Variants in ANK3 observed in about 807,000 individuals in gnomAD.
ANK3 encodes ankyrin 3.
A neutral mutation model predicts 370.9 loss-of-function variants in ANK3; 57 were observed. The observed-to-expected ratio is 0.15, with a 90% CI of 0.12 to 0.19. ANK3 has a LOEUF of 0.19. Among genes scored for constraint, ANK3 ranks in the 10% least tolerant of loss-of-function variants. ANK3 has a pLI of 1.00. For synonymous variants in ANK3, 1,929 were observed against 1,946.3 expected, an observed-to-expected ratio of 0.99 and a Z score of 0.23; for missense variants, 4,439 against 5,302.1, an observed-to-expected ratio of 0.84 and a Z score of 5.06.
At chr10:60,380,535 T>G (rs1385954735) in intron 1 of ANK3, among the ~76,000 whole-genome samples, 1 of 152,156 alleles carries the variant, frequency 6.6e-6, no homozygotes, top group Admixed American at 6.6e-5. Flanking sequence ...TCCAGAAAAC[T>G]GGAAAATAAT....
At chr10:60,646,323 C>CA (rs1179515964) in intron 1 of ANK3, among the ~76,000 whole-genome samples, 1 of 151,954 alleles carries the variant, frequency 6.6e-6, no homozygotes, top group Non-Finnish European at 1.5e-5. Context: ...GTGTTCTATG[C>CA]AAAAAAGTAA....
At chr10:60,400,876 C>T (rs1176419689) in intron 2 of ANK3, among the ~76,000 whole-genome samples, 1 of 152,084 alleles carries the variant, frequency 6.6e-6, no homozygotes, top group Non-Finnish European at 1.5e-5. Context: ...CACCCCACTT[C>T]CCAACAGGCC....
At chr10:60,345,237 T>C (rs1279472352) in intron 1 of ANK3, among the ~76,000 whole-genome samples, 1 of 152,180 alleles carries the variant, frequency 6.6e-6, no homozygotes, top group Admixed American at 6.6e-5. Context: ...GTCTGAAATA[T>C]TACCTCCCAG....
At chr10:60,467,312 A>T (rs2065033563) in intron 2 of ANK3, among the ~76,000 whole-genome samples, 1 of 152,192 alleles carries the variant, frequency 6.6e-6, no homozygotes, top group South Asian at 2.1e-4. Context: ...CAACACAGCA[A>T]TTCATTAACA....
chr10:60,600,755 T>TG (rs2078049978), intron 2 of ANK3, among the ~76,000 whole-genome samples: 1 of 152,130 alleles, frequency 6.6e-6, no homozygotes, highest in Admixed American at 6.6e-5. Context: ...TGATTAGATA[T>TG]TAGATATTAA....
intron 11 of ANK3, 129 bp from the exon 12 acceptor site, chr10:60,203,229 C>T: frequency 1.8e-6 from 1 of 558,452 alleles, no homozygotes; most frequent in Non-Finnish European, 3.2e-6. Flanking sequence ...GACATCAGGA[C>T]ATTCACCATT....
chr10:60,716,821 C>T (rs1210757223), intron 1 of ANK3, among the ~76,000 whole-genome samples: 1 of 152,096 alleles, frequency 6.6e-6, no homozygotes, highest in East Asian at 1.9e-4. Flanking sequence ...CAGCCTTCAT[C>T]AATGTTAAAA....
intron 1 of ANK3, among the ~76,000 whole-genome samples, chr10:60,316,138 A>G (rs1035404871): frequency 1.4e-4 from 21 of 152,242 alleles, no homozygotes; most frequent in Admixed American, 1.0e-3. Flanking sequence ...AACTCCATAC[A>G]ACTTGGTGAG....
intron 2 of ANK3, among the ~76,000 whole-genome samples, chr10:60,454,975 T>A (rs1481172095): frequency 6.6e-6 from 1 of 152,208 alleles, no homozygotes; most frequent in African/African-American, 2.4e-5. Context: ...TTCTGTAACA[T>A]GTGGCAATAA....
intron 2 of ANK3, among the ~76,000 whole-genome samples, chr10:60,411,912 G>A (rs923358522): frequency 6.6e-6 from 1 of 152,018 alleles, no homozygotes; most frequent in East Asian, 1.9e-4. Context: ...AGACAGCCAG[G>A]GCAATTAATC....
chr10:60,609,599 A>G (rs1237102807), intron 2 of ANK3, among the ~76,000 whole-genome samples: 1 of 152,098 alleles, frequency 6.6e-6, no homozygotes, highest in African/African-American at 2.4e-5. Flanking sequence ...GAGTTACAAA[A>G]CAGTGAGATA....
At chr10:60,665,816 TTAAG>T (rs1363999342) in intron 1 of ANK3, among the ~76,000 whole-genome samples, 1 of 152,138 alleles carries the variant, frequency 6.6e-6, no homozygotes, top group African/African-American at 2.4e-5. Flanking sequence ...TTACCAATAA[TTAAG>T]TATTATATTT....
intron 40 of ANK3, chr10:60,060,091 G>T: frequency 9.7e-7 from 1 of 1,033,642 alleles, no homozygotes. Flanking sequence ...AATTATATCA[G>T]GCATGAAAAA....
At chr10:60,610,231 TG>T (rs2078182729) in intron 2 of ANK3, among the ~76,000 whole-genome samples, 1 of 152,134 alleles carries the variant, frequency 6.6e-6, no homozygotes. Context: ...GGGCCCCTTT[TG>T]TAGAAAGATT....
chr10:60,403,895 C>T (rs2063401601), intron 2 of ANK3, among the ~76,000 whole-genome samples: 1 of 152,048 alleles, frequency 6.6e-6, no homozygotes, highest in African/African-American at 2.4e-5. Context: ...GTGTATCTTG[C>T]TTGGTTTCAG....
intron 28 of ANK3, among the ~76,000 whole-genome samples, chr10:60,100,008 A>G (rs1332170784): frequency 6.6e-6 from 1 of 152,160 alleles, no homozygotes; most frequent in Non-Finnish European, 1.5e-5. Flanking sequence ...TCATAAAGAC[A>G]TGTAATTTCT....
At chr10:60,100,702 T>G (rs1242394976) in intron 28 of ANK3, among the ~76,000 whole-genome samples, 2 of 152,202 alleles carry the variant, frequency 1.3e-5, no homozygotes, top group Non-Finnish European at 2.9e-5. Context: ...TGGGGGAACT[T>G]CAGCAACATT....
intron 23 of ANK3, among the ~76,000 whole-genome samples, chr10:60,155,447 T>C (rs2095301623): frequency 6.6e-6 from 1 of 152,144 alleles, no homozygotes; most frequent in African/African-American, 2.4e-5. Flanking sequence ...AGCTTCACCA[T>C]TGGCTGACTA....
At chr10:60,594,513 C>A (rs2077960474) in intron 2 of ANK3, among the ~76,000 whole-genome samples, 1 of 152,082 alleles carries the variant, frequency 6.6e-6, no homozygotes, top group African/African-American at 2.4e-5. Flanking sequence ...TTTAATCATT[C>A]ATTACATTTA....
Sources: gnomAD v4.1 joint callset for allele counts (sites outside exome capture counted in the v4.1 genomes callset) on GRCh38, gnomAD v4.1.1 for gene constraint, MANE v1.5 for transcripts, NCBI Gene and HGNC (gene_info 2026-07-23, HGNC 2026-07-21) for gene names.